The following PIGL variants were observed in gnomAD, a reference collection of about 807,000 sequenced individuals.
PIGL encodes phosphatidylinositol glycan anchor biosynthesis class L.
A neutral mutation model predicts 31.1 loss-of-function variants in PIGL; 22 were observed. The ratio of observed to expected loss-of-function variants is 0.71; its 90% CI spans 0.51 to 1.01. The LOEUF (loss-of-function observed/expected upper bound fraction) is 1.01. Ranked by LOEUF, PIGL falls within the 50% of genes least tolerant of loss-of-function variation. The probability of loss-of-function intolerance (pLI) is 0.00; values close to 1 mark genes in which losing one functional copy is unlikely to be tolerated. For missense variants in PIGL, 302 were observed against 315.9 expected (o/e 0.96, Z 0.33); for synonymous variants, 131 against 117.4 (o/e 1.12, Z -0.75).
At chr17:16,262,373 A>C (rs1039973698) in intron 2 of PIGL, among the ~76,000 whole-genome samples, 1 of 152,260 alleles carries the variant, frequency 6.6e-6, no homozygotes, top group Admixed American at 6.5e-5. Flanking sequence ...TCCAAACCAC[A>C]GTGAGATGCC....
intron 1 of PIGL, among the ~76,000 whole-genome samples, chr17:16,228,357 GATTTT>G (rs910649544): frequency 2.6e-5 from 4 of 151,566 alleles, no homozygotes; most frequent in Non-Finnish European, 4.4e-5. Context: ...TGCGCCCAGC[GATTTT>G]ATTTTATTTT....
chr17:16,217,632 TGGTGG>T, intron 1 of PIGL, 171 bp downstream of exon 1: 9 of 540,058 alleles, frequency 1.7e-5, no homozygotes, highest in East Asian at 9.2e-5. Flanking sequence ...CCGGCTTACC[TGGTGG>T]GTTGGGGGAC....
intron 1 of PIGL, among the ~76,000 whole-genome samples, chr17:16,231,540 T>C (rs1306378520): frequency 6.6e-6 from 1 of 152,006 alleles, no homozygotes; most frequent in Non-Finnish European, 1.5e-5. Flanking sequence ...ATGCCCAGCT[T>C]TGATTTTTTT....
chr17:16,299,784 C>T (rs2092996530), intron 2 of PIGL, 104 bp from the exon 3 acceptor site: 1 of 800,252 alleles, frequency 1.2e-6, no homozygotes, highest in Non-Finnish European at 2.2e-6. Context: ...GGGACCCTTA[C>T]CCCCAATGTA....
At chr17:16,255,846 G>A (rs2092791622) in intron 2 of PIGL, among the ~76,000 whole-genome samples, 1 of 152,118 alleles carries the variant, frequency 6.6e-6, no homozygotes, top group Non-Finnish European at 1.5e-5. Flanking sequence ...TCTCCCAAAG[G>A]GTGCAAAGGA....
intron 2 of PIGL, among the ~76,000 whole-genome samples, chr17:16,290,055 T>C (rs143624671): frequency 0.011 from 1,654 of 151,820 alleles, 40 homozygotes; most frequent in African/African-American, 0.037. Context: ...GGATTACAGG[T>C]GTGAGCTACA....
chr17:16,314,488 C>T (rs1568843502), intron 4 of PIGL, among the ~76,000 whole-genome samples: 1 of 152,212 alleles, frequency 6.6e-6, no homozygotes, highest in Non-Finnish European at 1.5e-5. Flanking sequence ...GTTCTCCATT[C>T]ATTATTCTGT....
chr17:16,313,763 T>C, intron 4 of PIGL, 149 bp downstream of exon 4: 1 of 661,854 alleles, frequency 1.5e-6, no homozygotes. Flanking sequence ...GCCATGTTGC[T>C]CACTGCATCT....
intron 2 of PIGL, among the ~76,000 whole-genome samples, chr17:16,241,171 G>A (rs2092721800): frequency 6.7e-6 from 1 of 149,684 alleles, no homozygotes; most frequent in South Asian, 2.1e-4. Flanking sequence ...AAAGAAATTT[G>A]GGATAATGGA....
At chr17:16,218,551 T>C (rs887167554) in intron 1 of PIGL, among the ~76,000 whole-genome samples, 4 of 152,164 alleles carry the variant, frequency 2.6e-5, no homozygotes, top group Non-Finnish European at 4.4e-5. Flanking sequence ...TTTCCTAGTT[T>C]ATTGCAAAGA....
At position 16,225,511 on chromosome 17, in the gene PIGL, C is replaced by T. The variant is rs556962190; in HGVS notation, c.235+8050C>T. On this transcript the variant is annotated intron_variant, in intron 1 of 6. Coordinates refer to ENST00000225609, the MANE Select transcript of PIGL (RefSeq NM_004278.4). ...TCACGCCATTCTCCTGCCTCAGCCT[C>T]CTGAGTAGCTGGGACTACAGTCACC... Among the ~76,000 whole-genome samples, 528 of 150,512 alleles carry T rather than the reference C, an allele frequency of 3.5e-3. 2 individuals carry two copies. The highest frequency in any genetic ancestry group is 6.5e-3 in the Non-Finnish European group (440 of 67,786).
intron 2 of PIGL, among the ~76,000 whole-genome samples, chr17:16,238,191 G>C: frequency 1.6e-5 from 2 of 128,282 alleles, no homozygotes; most frequent in South Asian, 5.2e-4. Context: ...ATGAGACTCC[G>C]TCTCAAAAAA....
intron 3 of PIGL, among the ~76,000 whole-genome samples, chr17:16,306,825 G>A (rs907020395): frequency 3.3e-5 from 5 of 152,072 alleles, no homozygotes; most frequent in African/African-American, 4.8e-5. Context: ...CACCGCACCC[G>A]GCTGGCTTTT....
At chr17:16,218,677 C>CTTTTTTTTTTTTTTT (rs34243048) in intron 1 of PIGL, among the ~76,000 whole-genome samples, 1 of 127,678 alleles carries the variant, frequency 7.8e-6, no homozygotes. Flanking sequence ...CCAACTTACT[C>CTTTTTTTTTTTTTTT]TTTTTTTTTT....
At chr17:16,240,806 ATTAT>A (rs1425947667) in intron 2 of PIGL, among the ~76,000 whole-genome samples, 1 of 150,610 alleles carries the variant, frequency 6.6e-6, no homozygotes, top group Admixed American at 6.6e-5. Flanking sequence ...GGCCTCCAGT[ATTAT>A]TTAAGAGGTA....
At position 16,270,024 on chromosome 17, in the gene PIGL, C is replaced by T. The variant is rs181931240; in HGVS notation, c.336-29864C>T. On this transcript the variant is annotated intron_variant, in intron 2 of 6. Coordinates refer to ENST00000225609, the MANE Select transcript of PIGL (RefSeq NM_004278.4). Reference sequence around the variant, plus strand: ...ATTCTAGGCCAGGCATGGTGGGTCACGCCTGTAATCTCAGCACTTTGGGAG... The same window carrying T: ...ATTCTAGGCCAGGCATGGTGGGTCATGCCTGTAATCTCAGCACTTTGGGAG... Among the ~76,000 whole-genome samples, 53 of 152,166 alleles carry T rather than the reference C, an allele frequency of 3.5e-4. No homozygotes were observed. The East Asian group carries it at 5.2e-3, about 15-fold the overall frequency.
At chr17:16,296,484 T>C (rs1036751978) in intron 2 of PIGL, among the ~76,000 whole-genome samples, 2 of 151,298 alleles carry the variant, frequency 1.3e-5, no homozygotes, top group African/African-American at 2.4e-5. Context: ...GTGGCAGGTG[T>C]CTGTAGTCCC....
At chr17:16,238,932 G>A (rs1316048331) in intron 2 of PIGL, among the ~76,000 whole-genome samples, 6 of 137,592 alleles carry the variant, frequency 4.4e-5, no homozygotes, top group Admixed American at 1.5e-4. Context: ...AAAAAAAGAC[G>A]GGGTTTCGCC....
At chr17:16,246,124 T>C (rs2092745674) in intron 2 of PIGL, among the ~76,000 whole-genome samples, 1 of 151,318 alleles carries the variant, frequency 6.6e-6, no homozygotes, top group Admixed American at 6.6e-5. Flanking sequence ...CGCCCGGTCA[T>C]GGCACCTATA....
Sources: gnomAD v4.1 joint callset for allele counts (sites outside exome capture counted in the v4.1 genomes callset) on GRCh38, gnomAD v4.1.1 for gene constraint, MANE v1.5 for transcripts, NCBI Gene and HGNC (gene_info 2026-07-23, HGNC 2026-07-21) for gene names.